The following ESF1 variants were observed in gnomAD, a reference collection of about 807,000 sequenced individuals.
ESF1 encodes the protein ESF1 nucleolar pre-rRNA processing protein, also known as ESF1 homolog.
A neutral mutation model predicts 92.0 loss-of-function variants in ESF1; 58 were observed. That is an observed-to-expected ratio of 0.63 (90% CI 0.51 to 0.78). The LOEUF (loss-of-function observed/expected upper bound fraction) is 0.78, where lower values mean the gene tolerates loss of function less well. Ranked by LOEUF, ESF1 falls within the 30% of genes least tolerant of loss-of-function variation. The probability of loss-of-function intolerance (pLI) is 0.00; values close to 1 mark genes in which losing one functional copy is unlikely to be tolerated. For synonymous variants in ESF1, 321 were observed against 313.7 expected (o/e 1.02, Z -0.24); for missense variants, 922 against 989.1 (o/e 0.93, Z 0.91).
intron 11 of ESF1, among the ~76,000 whole-genome samples, chr20:13,724,349 T>C (rs1252027611): frequency 2.6e-5 from 4 of 152,162 alleles, no homozygotes; most frequent in Non-Finnish European, 4.4e-5. Flanking sequence ...CTGGTAAATT[T>C]TGAACCAAAG....
chr20:13,720,480 C>A (rs191190099), intron 11 of ESF1, among the ~76,000 whole-genome samples: 1 of 152,182 alleles, frequency 6.6e-6, no homozygotes, highest in African/African-American at 2.4e-5. Context: ...AATGGAACCA[C>A]TCGTCTAACT....
At position 13,722,820 on chromosome 20, in the gene ESF1, C is replaced by T. The variant is rs2049876813; in HGVS notation, c.2039-3836G>A. ...AGTGAGCCATAATAGCACCACTGTG[C>T]ACTCCACCCTGAGTGACAGAGCAAA... On this transcript the variant is annotated intron_variant, in intron 11 of 13. Coordinates refer to ENST00000617257, the MANE Select transcript of ESF1 (RefSeq NM_001276380.2). Among the ~76,000 whole-genome samples the T allele has an allele frequency of 1.3e-5, 2 of 150,718 alleles. 1 individual carries two copies. The highest frequency in any genetic ancestry group is 4.2e-4 in the South Asian group (2 of 4,784).
At chr20:13,766,755 G>A (rs766733955) in intron 8 of ESF1, 22 bp downstream of exon 8, 1 of 1,610,500 alleles carries the variant, frequency 6.2e-7, no homozygotes, top group Non-Finnish European at 8.5e-7. Flanking sequence ...TCCATTAATG[G>A]TCACTGAAAG....
At chr20:13,726,902 C>A (rs1327188476) in intron 11 of ESF1, among the ~76,000 whole-genome samples, 3 of 152,026 alleles carry the variant, frequency 2.0e-5, no homozygotes, top group African/African-American at 7.2e-5. Context: ...AACAGAAAAG[C>A]CCAGATAGAA....
chr20:13,784,130 T>C (rs1980467597), intron 1 of ESF1, among the ~76,000 whole-genome samples: 1 of 152,198 alleles, frequency 6.6e-6, no homozygotes, highest in Admixed American at 6.5e-5. Flanking sequence ...CTACCAGTGA[T>C]GAAGGCCCAA....
At chr20:13,729,122 G>A (rs535992222) in intron 10 of ESF1, among the ~76,000 whole-genome samples, 1 of 152,256 alleles carries the variant, frequency 6.6e-6, no homozygotes, top group Non-Finnish European at 1.5e-5. Flanking sequence ...AGCCAGGCAT[G>A]GTGGTGGGCA....
chr20:13,766,732 C>T (rs1979443595), intron 8 of ESF1, 45 bp downstream of exon 8: 1 of 1,597,854 alleles, frequency 6.3e-7, no homozygotes, highest in African/African-American at 1.3e-5. Context: ...AAAGCTACTG[C>T]CAAAGACCTA....
intron 1 of ESF1, 128 bp from the exon 2 acceptor site, chr20:13,783,311 A>G (rs1300353676): frequency 5.2e-6 from 4 of 769,978 alleles, no homozygotes; most frequent in Non-Finnish European, 7.9e-6. Flanking sequence ...TAGAGGTAAC[A>G]AGTCTAATTT....
At chr20:13,783,700 A>T (rs1325396982) in intron 1 of ESF1, among the ~76,000 whole-genome samples, 1 of 152,220 alleles carries the variant, frequency 6.6e-6, no homozygotes, top group East Asian at 1.9e-4. Context: ...CTGTAGTCCC[A>T]GCTACTTTGG....
rs764550708 is a variant in ESF1, at chr20:13,733,854, T to C, written c.1829-12A>G. The C allele has an allele frequency of 1.3e-6, 2 of 1,593,880 alleles. No individual in the cohort carries two copies. The highest frequency in any genetic ancestry group is 1.2e-5 in the South Asian group (1 of 85,918). On this transcript the variant is annotated splice_polypyrimidine_tract_variant and intron_variant, in intron 9 of 13. Transcript: ENST00000617257. ...ACTTTCTTTAAGACCTGAGGAAAAA[T>C]CCAAATAGTTTAGCTTAAAATGTCT...
intron 7 of ESF1, among the ~76,000 whole-genome samples, chr20:13,768,967 G>A (rs1355236328): frequency 2.7e-5 from 4 of 150,076 alleles, no homozygotes. Flanking sequence ...TATTTCAATA[G>A]ACAAAAACCT....
intron 8 of ESF1, among the ~76,000 whole-genome samples, chr20:13,763,417 A>G (rs1979294284): frequency 6.6e-6 from 1 of 152,098 alleles, no homozygotes; most frequent in South Asian, 2.1e-4. Flanking sequence ...AAAAAATGTC[A>G]TTTTAAAATT....
chr20:13,784,230 A>C (rs1980482274), intron 1 of ESF1, among the ~76,000 whole-genome samples: 1 of 151,926 alleles, frequency 6.6e-6, no homozygotes, highest in African/African-American at 2.4e-5. Context: ...CCAATGGTTT[A>C]GCATCTCTGG....
chr20:13,772,075 TTC>T, intron 5 of ESF1, among the ~76,000 whole-genome samples: 1 of 151,816 alleles, frequency 6.6e-6, no homozygotes, highest in African/African-American at 2.4e-5. Flanking sequence ...TTAAATTATT[TTC>T]TATATTGCAC....
intron 9 of ESF1, among the ~76,000 whole-genome samples, chr20:13,740,128 G>C (rs1032448090): frequency 1.3e-5 from 2 of 152,160 alleles, no homozygotes; most frequent in African/African-American, 4.8e-5. Flanking sequence ...CAAAAACTCA[G>C]CTTCAATTGG....
chr20:13,755,081 A>G (rs1336412231), intron 9 of ESF1, among the ~76,000 whole-genome samples: 3 of 152,238 alleles, frequency 2.0e-5, no homozygotes, highest in Non-Finnish European at 4.4e-5. Context: ...TCACCGGAGT[A>G]TAAGATCTGT....
chr20:13,716,817 T>C (rs2049830659), intron 13 of ESF1, among the ~76,000 whole-genome samples: 1 of 116,050 alleles, frequency 8.6e-6, no homozygotes, highest in African/African-American at 3.5e-5. Flanking sequence ...TTTTTTTTTT[T>C]TTTTTTTTTT....
intron 9 of ESF1, among the ~76,000 whole-genome samples, chr20:13,752,422 C>T (rs1978680426): frequency 6.6e-6 from 1 of 152,148 alleles, no homozygotes; most frequent in African/African-American, 2.4e-5. Flanking sequence ...TCAGGTTTTC[C>T]ATTTAATGCC....
chr20:13,755,986 C>T (rs73256784), intron 9 of ESF1, among the ~76,000 whole-genome samples: 12,992 of 152,110 alleles, frequency 0.085, 1,257 homozygotes, highest in African/African-American at 0.24. Context: ...ATGAATGATA[C>T]GGTATAATCT....
Sources: gnomAD v4.1 joint callset for allele counts (sites outside exome capture counted in the v4.1 genomes callset) on GRCh38, gnomAD v4.1.1 for gene constraint, MANE v1.5 for transcripts, NCBI Gene and HGNC (gene_info 2026-07-23, HGNC 2026-07-21) for gene names.